TRIOBP: variants seen among roughly 807,000 people sequenced by gnomAD.
TRIOBP encodes the protein TRIO and F-actin-binding protein.
TRIOBP carries 169 observed loss-of-function variants against 238.8 expected under a neutral mutation model. The observed-to-expected ratio is 0.71, with a 90% CI of 0.62 to 0.80. The LOEUF (loss-of-function observed/expected upper bound fraction) is 0.80. Among genes scored for constraint, TRIOBP ranks in the 30% least tolerant of loss-of-function variants. The probability of loss-of-function intolerance (pLI) is 0.00; values close to 1 mark genes in which losing one functional copy is unlikely to be tolerated. For synonymous variants in TRIOBP, 1,150 were observed against 1,274.4 expected (o/e 0.90, Z 2.08); for missense variants, 2,838 against 3,122.6 (o/e 0.91, Z 2.17).
intron 3 of TRIOBP, among the ~76,000 whole-genome samples, chr22:37,702,825 T>A (rs1004718357): frequency 9.9e-5 from 15 of 151,688 alleles, no homozygotes; most frequent in Admixed American, 8.6e-4. Flanking sequence ...AATTTTCTTG[T>A]AAAGATGGGA....
At chr22:37,751,914 G>T in intron 12 of TRIOBP, 86 bp downstream of exon 12, 1 of 1,416,886 alleles carries the variant, frequency 7.1e-7, no homozygotes, top group Non-Finnish European at 9.8e-7. Context: ...GTGGGGCTGG[G>T]GCTGGTGTGA....
chr22:37,743,514 C>A (rs1327040400), intron 11 of TRIOBP, among the ~76,000 whole-genome samples: 1 of 152,150 alleles, frequency 6.6e-6, no homozygotes, highest in Non-Finnish European at 1.5e-5. Context: ...GCCGTGCTTA[C>A]GGAGGATGTG....
chr22:37,719,356 A>G (rs962514417), intron 6 of TRIOBP, among the ~76,000 whole-genome samples: 3 of 152,030 alleles, frequency 2.0e-5, no homozygotes, highest in Non-Finnish European at 2.9e-5. Context: ...GTCTGGGTAG[A>G]TGGTGTGCCC....
intron 11 of TRIOBP, among the ~76,000 whole-genome samples, chr22:37,742,572 C>G (rs959139946): frequency 6.6e-6 from 1 of 152,146 alleles, no homozygotes; most frequent in African/African-American, 2.4e-5. Context: ...CCAGAATTTC[C>G]TTTCGCTGCT....
chr22:37,697,921 C>T (rs892142732), intron 2 of TRIOBP, among the ~76,000 whole-genome samples: 1 of 152,014 alleles, frequency 6.6e-6, no homozygotes, highest in Non-Finnish European at 1.5e-5. Context: ...CCAGGGCGGC[C>T]GGGCGCGGTG....
intron 17 of TRIOBP, among the ~76,000 whole-genome samples, chr22:37,761,284 T>TA (rs912763658): frequency 5.1e-4 from 73 of 143,648 alleles, no homozygotes; most frequent in Admixed American, 1.0e-3. Context: ...CTGTCTCTAC[T>TA]AAAAAAAAAA....
chr22:37,756,796 G>A (rs1266022360), intron 15 of TRIOBP, among the ~76,000 whole-genome samples: 1 of 152,212 alleles, frequency 6.6e-6, no homozygotes, highest in East Asian at 1.9e-4. Flanking sequence ...CTATGACTGT[G>A]GATAAAGAGA....
intron 21 of TRIOBP, among the ~76,000 whole-genome samples, chr22:37,771,292 G>A (rs920026981): frequency 2.6e-5 from 4 of 152,150 alleles, no homozygotes; most frequent in African/African-American, 9.7e-5. Flanking sequence ...CTCGGGGTTG[G>A]GGAGGGGTTA....
At chr22:37,739,587 A>G (rs1273390938) in intron 10 of TRIOBP, among the ~76,000 whole-genome samples, 1 of 152,100 alleles carries the variant, frequency 6.6e-6, no homozygotes, top group Non-Finnish European at 1.5e-5. Flanking sequence ...GGGCCCAGGA[A>G]CCACCCAGCG....
At position 37,715,822 on chromosome 22, in the gene TRIOBP, G is replaced by A. The variant is rs1199814460; in HGVS notation, c.516G>A (p.Val172=). The change falls in exon 6 of 24, where the codon GTG becomes GTA. Residue 172 remains valine (V), a synonymous_variant. Transcript: ENST00000644935. Reference sequence around the variant, plus strand: ...CCCCCAGCTGGGACGAGCTCGCAGTGATGATCCCGAGGAGGCCTCGGGAGG... The same window carrying A: ...CCCCCAGCTGGGACGAGCTCGCAGTAATGATCCCGAGGAGGCCTCGGGAGG... ...EEAPSWDELA[V]MIPRRPREGP... is the part of the protein sequence containing the mutation. 1 of 1,614,094 alleles carries A rather than the reference G, an allele frequency of 6.2e-7. No homozygotes were observed. The highest frequency in any genetic ancestry group is 8.5e-7 in the Non-Finnish European group (1 of 1,180,006).
At chr22:37,716,817 T>C (rs528018616) in intron 6 of TRIOBP, among the ~76,000 whole-genome samples, 5 of 152,296 alleles carry the variant, frequency 3.3e-5, no homozygotes, top group South Asian at 2.1e-4. Flanking sequence ...AAAGGATGAA[T>C]TGGAGCAGGG....
rs757457793 is a variant in TRIOBP at position 37,734,654 on chromosome 22, CAT to C, written c.4320_4321del (p.His1440GlnfsTer61). The C allele has an allele frequency of 1.6e-5, 25 of 1,596,882 alleles. No individual in the cohort carries two copies. Among genetic ancestry groups the C allele is most frequent in the Non-Finnish European group, 1.9e-5 (22 of 1,172,404 alleles). On this transcript the variant is annotated frameshift_variant, in exon 9 of 24. Coordinates refer to ENST00000644935, the MANE Select transcript of TRIOBP (RefSeq NM_001039141.3). LOFTEE classifies it high-confidence loss of function. ...QEEPPGSQGP[H>X]RHLERSWSSQ... ...GGAACCGCCAGGGTCCCAGGGCCCTCATAGACACCTAGAAAGGAGCTGGAGCA... is the reference window on the plus strand; with the variant it reads ...GGAACCGCCAGGGTCCCAGGGCCCTCAGACACCTAGAAAGGAGCTGGAGCA...
chr22:37,765,787 C>A lies in TRIOBP; in HGVS notation c.6442C>A (p.Leu2148Met). The A allele has an allele frequency of 3.8e-6, 6 of 1,590,820 alleles. No homozygotes were observed. Among genetic ancestry groups the A allele is most frequent in the Non-Finnish European group, 5.1e-6 (6 of 1,171,672 alleles). The change falls in exon 18 of 24, where the codon CTG becomes ATG. Residue 2148 changes from leucine to methionine, a missense_variant. This residue lies in a region of TRIOBP where 2,096 missense variants were observed against 2,137.4 expected (regional missense o/e 0.98). Coordinates refer to ENST00000644935, the MANE Select transcript of TRIOBP (RefSeq NM_001039141.3). ...QRLQQEKEWLLAEETAATASA... is the reference protein window; with the variant it reads ...QRLQQEKEWLMAEETAATASA... ...CCTGCAGCAGGAGAAGGAGTGGCTC[C>A]TGGCTGAGGAGACGGCAGCCACGGC...
At chr22:37,765,390 A>G (rs1471377396) in intron 17 of TRIOBP, among the ~76,000 whole-genome samples, 2 of 152,164 alleles carry the variant, frequency 1.3e-5, no homozygotes, top group African/African-American at 4.8e-5. Flanking sequence ...TTGGCAGAGA[A>G]AGGCCAGGGA....
At chr22:37,722,867 T>C (rs1338976471) in intron 6 of TRIOBP, among the ~76,000 whole-genome samples, 2 of 152,322 alleles carry the variant, frequency 1.3e-5, no homozygotes, top group African/African-American at 4.8e-5. Context: ...TTGTCAACAC[T>C]TCTCTCCACA....
At chr22:37,745,681 T>C (rs938963832) in intron 11 of TRIOBP, among the ~76,000 whole-genome samples, 1 of 152,128 alleles carries the variant, frequency 6.6e-6, no homozygotes, top group African/African-American at 2.4e-5. Context: ...GCAAATCGGC[T>C]CACCCCTCTG....
At chr22:37,714,237 T>C (rs553129671) in intron 5 of TRIOBP, among the ~76,000 whole-genome samples, 5 of 152,324 alleles carry the variant, frequency 3.3e-5, no homozygotes, top group Non-Finnish European at 7.4e-5. Flanking sequence ...CATGCGGAAC[T>C]CTGGGACTCT....
Position 37,746,312 on chromosome 22 carries a change from G to GGGCGGC in TRIOBP, c.5322+5298_5322+5303dup, listed in dbSNP as rs953748818. ...AGGCGCGGCGGCGGGCGGCCGAGAG[G>GGGCGGC]GGCGGCGGCGGCGGCGGCGGCGGGG... On this transcript the variant is annotated intron_variant, in intron 11 of 23. Coordinates refer to ENST00000644935, the MANE Select transcript of TRIOBP (RefSeq NM_001039141.3). 308 of 1,128,748 alleles carry GGGCGGC rather than the reference G, an allele frequency of 2.7e-4. 1 individual carries two copies. The highest frequency in any genetic ancestry group is 2.0e-3 in the South Asian group (48 of 23,428). The allele number at this position is 1,128,748 out of a possible 1,614,324, so 69.9% of individuals were successfully genotyped here.
chr22:37,734,815 C>G lies in TRIOBP; in HGVS notation c.4479C>G (p.Ala1493=). ...EYKESWGQPE[A]WEEKPTHELP... is the part of the protein sequence containing the mutation. ...AGGAGAGCTGGGGGCAGCCAGAGGC[C>G]TGGGAGGAGAAGCCCACTCATGAGC... The change falls in exon 9 of 24, where the codon GCC becomes GCG. Residue 1493 remains alanine (A), a synonymous_variant. Transcript: ENST00000644935. 2.5e-6 allele frequency: 4 copies of G among 1,612,516 alleles called. No individual in the cohort carries two copies. Among genetic ancestry groups the G allele is most frequent in the Non-Finnish European group, 3.4e-6 (4 of 1,179,874 alleles).
Sources: gnomAD v4.1 joint callset for allele counts (sites outside exome capture counted in the v4.1 genomes callset) on GRCh38, gnomAD v4.1.1 for gene constraint, gnomAD v4.1.1 regional missense constraint, MANE v1.5 for transcripts, NCBI Gene and HGNC (gene_info 2026-07-23, HGNC 2026-07-21) for gene names.